Variants in COL19A1 observed in about 807,000 individuals in gnomAD.
COL19A1 encodes the protein collagen alpha-1(XIX) chain.
COL19A1 carries 159 observed loss-of-function variants against 190.2 expected under a neutral mutation model. That is an observed-to-expected ratio of 0.84 (90% confidence interval 0.73 to 0.95). The LOEUF (loss-of-function observed/expected upper bound fraction) is 0.95, where lower values mean the gene tolerates loss of function less well. COL19A1 is among the 40% of genes least tolerant of loss of function. The pLI is 0.00. For missense variants in COL19A1, 1,418 were observed against 1,431.9 expected (o/e 0.99, Z 0.16); for synonymous variants, 509 against 458.9 (o/e 1.11, Z -1.39).
At chr6:69,932,690 C>T in intron 6 of COL19A1, 93 bp from the exon 7 acceptor site, 2 of 660,280 alleles carry the variant, frequency 3.0e-6, no homozygotes, top group South Asian at 2.1e-5. Flanking sequence ...TATTAGCTTC[C>T]TTTTTCTTTC....
chr6:69,894,931 G>A (rs1769615277), intron 2 of COL19A1, among the ~76,000 whole-genome samples: 1 of 152,212 alleles, frequency 6.6e-6, no homozygotes, highest in Admixed American at 6.5e-5. Flanking sequence ...ATATCTTTAA[G>A]GCTTAACTGC....
intron 14 of COL19A1, among the ~76,000 whole-genome samples, chr6:70,065,669 G>A (rs1251197692): frequency 1.3e-5 from 2 of 152,128 alleles, no homozygotes; most frequent in African/African-American, 4.8e-5. Context: ...GAGTGAACAG[G>A]CAACCTACAG....
At chr6:69,979,905 G>C (rs866093655) in intron 11 of COL19A1, among the ~76,000 whole-genome samples, 21 of 151,842 alleles carry the variant, frequency 1.4e-4, no homozygotes, top group African/African-American at 4.8e-4. Context: ...CAAAATCAAA[G>C]GGCGTAAAAT....
At chr6:70,088,427 C>T (rs1174067007) in intron 15 of COL19A1, among the ~76,000 whole-genome samples, 3 of 151,960 alleles carry the variant, frequency 2.0e-5, no homozygotes, top group Non-Finnish European at 4.4e-5. Flanking sequence ...TTTTTTAAGT[C>T]AATGATCAAT....
Position 70,209,653 on chromosome 6 carries a change from A to G in COL19A1, c.*2379A>G, listed in dbSNP as rs897037916. On this transcript the variant is annotated 3_prime_UTR_variant, in exon 51 of 51. Transcript: ENST00000620364. Reference sequence around the variant, plus strand: ...GGGGAAATATAATATTGTGTGATGCATATTACAAAGTGGACTTGTCACAAT... The same window carrying G: ...GGGGAAATATAATATTGTGTGATGCGTATTACAAAGTGGACTTGTCACAAT... 2.6e-5 allele frequency: 4 copies of G among 152,222 alleles called. No homozygotes were observed. Among genetic ancestry groups the G allele is most frequent in the African/African-American group, 9.6e-5 (4 of 41,454 alleles). 9.4% of individuals were successfully genotyped at this position (152,222 alleles called of 1,614,324 possible).
At chr6:70,062,396 T>G (rs1291905118) in intron 14 of COL19A1, among the ~76,000 whole-genome samples, 5 of 151,718 alleles carry the variant, frequency 3.3e-5, no homozygotes, top group Non-Finnish European at 7.4e-5. Context: ...TCATGAAAAT[T>G]TAGTAATAAA....
intron 14 of COL19A1, among the ~76,000 whole-genome samples, chr6:70,060,735 G>C (rs1780781679): frequency 6.6e-6 from 1 of 152,118 alleles, no homozygotes; most frequent in Non-Finnish European, 1.5e-5. Flanking sequence ...ATTACGGTGA[G>C]TGTATAATTA....
intron 15 of COL19A1, among the ~76,000 whole-genome samples, chr6:70,096,772 T>G (rs1325218112): frequency 1.3e-5 from 2 of 152,112 alleles, no homozygotes; most frequent in African/African-American, 4.8e-5. Context: ...GAGTAGTGGT[T>G]CTCATAACAT....
intron 15 of COL19A1, among the ~76,000 whole-genome samples, chr6:70,100,939 T>C (rs1783589684): frequency 6.6e-6 from 1 of 152,170 alleles, no homozygotes; most frequent in South Asian, 2.1e-4. Context: ...GCATTGTATT[T>C]GCTTGTTTAT....
At chr6:70,174,299 G>A (rs1765669940) in intron 41 of COL19A1, among the ~76,000 whole-genome samples, 1 of 152,172 alleles carries the variant, frequency 6.6e-6, no homozygotes, top group Non-Finnish European at 1.5e-5. Flanking sequence ...AAGGCACAGT[G>A]GCTCACGCCT....
chr6:69,878,339 G>A (rs1183891313), intron 1 of COL19A1, among the ~76,000 whole-genome samples: 5 of 151,568 alleles, frequency 3.3e-5, no homozygotes, highest in Non-Finnish European at 5.9e-5. Context: ...TCAGCCTTCC[G>A]AGTAGCTGGG....
rs956241621 is a variant in COL19A1, at chr6:70,211,797, A to G, written c.*4523A>G. Among the ~76,000 whole-genome samples the G allele has an allele frequency of 2.0e-5, 3 of 152,104 alleles. No homozygotes were observed. The highest frequency in any genetic ancestry group is 7.2e-5 in the African/African-American group (3 of 41,406). On this transcript the variant is annotated 3_prime_UTR_variant, in exon 51 of 51. Coordinates refer to ENST00000620364, the MANE Select transcript of COL19A1 (RefSeq NM_001858.6). ...TCAATTTGGTTAAATTGAATGAAGAACCAAGTGAACACAGAGAAAACTTAT... is the reference window on the plus strand; with the variant it reads ...TCAATTTGGTTAAATTGAATGAAGAGCCAAGTGAACACAGAGAAAACTTAT...
At chr6:70,179,836 CTA>C (rs1158249865) in intron 42 of COL19A1, among the ~76,000 whole-genome samples, 2 of 152,076 alleles carry the variant, frequency 1.3e-5, no homozygotes, top group African/African-American at 4.8e-5. Flanking sequence ...GCGGAGTTGA[CTA>C]TATGTTCCCC....
At chr6:70,098,658 C>G in intron 15 of COL19A1, 1 of 309,324 alleles carries the variant, frequency 3.2e-6, no homozygotes, top group Non-Finnish European at 6.3e-6. Context: ...CAACACTTTT[C>G]AAACGATGGC....
At chr6:70,095,398 A>G (rs909721771) in intron 15 of COL19A1, among the ~76,000 whole-genome samples, 1 of 152,198 alleles carries the variant, frequency 6.6e-6, no homozygotes, top group Admixed American at 6.5e-5. Context: ...TAGAGACATT[A>G]TCTAACATTT....
chr6:69,980,649 G>A (rs773683938), intron 11 of COL19A1, among the ~76,000 whole-genome samples: 25 of 152,260 alleles, frequency 1.6e-4, no homozygotes, highest in African/African-American at 5.5e-4. Context: ...ACATTTGTAC[G>A]TTCCAAAGAG....
At chr6:70,178,241 T>G (rs965955549) in intron 42 of COL19A1, among the ~76,000 whole-genome samples, 1 of 152,124 alleles carries the variant, frequency 6.6e-6, no homozygotes. Flanking sequence ...GTGCAAAAAT[T>G]AGCTGGGCAC....
intron 4 of COL19A1, among the ~76,000 whole-genome samples, chr6:69,926,707 G>A (rs1400770034): frequency 6.6e-6 from 1 of 152,032 alleles, no homozygotes; most frequent in Non-Finnish European, 1.5e-5. Context: ...ACTATTTGAA[G>A]AAATAAGCAA....
intron 14 of COL19A1, among the ~76,000 whole-genome samples, chr6:70,038,921 G>T (rs1386817024): frequency 1.3e-5 from 2 of 152,092 alleles, no homozygotes; most frequent in African/African-American, 4.8e-5. Context: ...GCTGGGCATG[G>T]TGGTGTGTGC....
Sources: allele counts gnomAD v4.1 joint callset (sites outside exome capture counted in the v4.1 genomes callset), GRCh38; gene constraint gnomAD v4.1.1; transcripts MANE v1.5; gene names NCBI Gene and HGNC (gene_info 2026-07-23, HGNC 2026-07-21).